Variants in ZC3H7B observed in about 807,000 individuals in gnomAD.
ZC3H7B encodes the protein zinc finger CCCH-type containing 7B, also known as zinc finger CCCH domain-containing protein 7B.
Under a neutral mutation model 116.0 loss-of-function variants are expected in ZC3H7B, and 35 were observed. The observed-to-expected ratio is 0.30, with a 90% confidence interval of 0.23 to 0.40. ZC3H7B has a LOEUF of 0.40. ZC3H7B is among the 10% of genes least tolerant of loss of function. The probability of loss-of-function intolerance (pLI) is 1.00; values close to 1 mark genes in which losing one functional copy is unlikely to be tolerated. For synonymous variants in ZC3H7B, 502 were observed against 545.6 expected, an observed-to-expected ratio of 0.92 and a Z score of 1.11; for missense variants, 1,011 against 1,321.5, an observed-to-expected ratio of 0.77 and a Z score of 3.64.
chr22:41,310,931 A>AT (rs1255689256), intron 1 of ZC3H7B, among the ~76,000 whole-genome samples: 2 of 151,608 alleles, frequency 1.3e-5, no homozygotes. Flanking sequence ...CCCCCGGCTA[A>AT]TTTTTTTGTG....
chr22:41,309,352 C>T (rs1169482755), intron 1 of ZC3H7B, among the ~76,000 whole-genome samples: 4 of 150,934 alleles, frequency 2.7e-5, no homozygotes, highest in African/African-American at 9.7e-5. Flanking sequence ...CTCGCTCTGT[C>T]GTCCAGGCTG....
intron 1 of ZC3H7B, among the ~76,000 whole-genome samples, chr22:41,319,294 AG>A (rs1320593967): frequency 6.6e-6 from 1 of 152,272 alleles, no homozygotes; most frequent in African/African-American, 2.4e-5. Context: ...CTAGCTACTC[AG>A]GAGGCTGAGG....
At chr22:41,313,702 T>TTA (rs1324203000) in intron 1 of ZC3H7B, among the ~76,000 whole-genome samples, 2 of 152,144 alleles carry the variant, frequency 1.3e-5, no homozygotes, top group African/African-American at 4.8e-5. Flanking sequence ...TCTTTTCACC[T>TTA]TAGTCTCATG....
chr22:41,327,469 C>T lies in ZC3H7B; in HGVS notation c.444+105C>T. On this transcript the variant is annotated intron_variant, in intron 5 of 22. Coordinates refer to ENST00000352645, the MANE Select transcript of ZC3H7B (RefSeq NM_017590.6). This position sits in a 1 kb window ranked among gnomAD's most constrained non-coding sequence, Gnocchi z 4.5. ...CACCACATCCTTCTGTGTCTCACTT[C>T]CTCCCCTGTGACATGGCCATGCAGA... 2.8e-6 allele frequency: 4 copies of T among 1,446,970 alleles called. No individual in the cohort carries two copies. In the South Asian group the frequency reaches 5.1e-5, roughly 18 times the overall value. 89.6% of individuals were successfully genotyped at this position (1,446,970 alleles called of 1,614,324 possible). A position where few individuals can be genotyped will look rare whatever the true frequency, so the allele number is the denominator to read the frequency against.
intron 6 of ZC3H7B, 89 bp from the exon 7 acceptor site, chr22:41,332,082 T>A: frequency 6.8e-7 from 1 of 1,460,824 alleles, no homozygotes; most frequent in Non-Finnish European, 9.5e-7. Context: ...GCTGCTTGTG[T>A]CAGGGCCTCT....
chr22:41,341,227 G>A (rs1301377173), intron 11 of ZC3H7B, 81 bp downstream of exon 11: 16 of 1,550,532 alleles, frequency 1.0e-5, no homozygotes, highest in Non-Finnish European at 1.4e-5. Flanking sequence ...TGAGCCCTCT[G>A]CATGGGGTAA....
Position 41,338,622 on chromosome 22 carries a change from C to T in ZC3H7B, c.625+267C>T, listed in dbSNP as rs1380975264. Among the ~76,000 whole-genome samples the T allele has an allele frequency of 6.6e-6, 1 of 152,182 alleles. No homozygotes were observed. Among genetic ancestry groups the T allele is most frequent in the Non-Finnish European group, 1.5e-5 (1 of 68,020 alleles). ...TGGCCTTCACTCCTGGCTGCCTGCA[C>T]ACCCCCACCTCTTCCAAAGCCCTTT... On this transcript the variant is annotated intron_variant, in intron 8 of 22. Transcript: ENST00000352645. The surrounding 1 kb of genome is among the most constrained non-coding windows in gnomAD (Gnocchi z 4.5).
chr22:41,312,292 C>A (rs1220459704), intron 1 of ZC3H7B, among the ~76,000 whole-genome samples: 1 of 151,846 alleles, frequency 6.6e-6, no homozygotes, highest in African/African-American at 2.4e-5. Flanking sequence ...CATGGTGATA[C>A]CCTGTCTCTA....
chr22:41,353,876 T>C (rs1313403757), intron 17 of ZC3H7B, among the ~76,000 whole-genome samples: 1 of 152,222 alleles, frequency 6.6e-6, no homozygotes, highest in African/African-American at 2.4e-5. Flanking sequence ...TCCCCATCTG[T>C]TTCTTTTTCC....
At chr22:41,341,196 G>A (rs2036518520) in intron 11 of ZC3H7B, 50 bp downstream of exon 11, 1 of 1,608,692 alleles carries the variant, frequency 6.2e-7, no homozygotes, top group African/African-American at 1.3e-5. Flanking sequence ...GCTGGGGGTT[G>A]TGGGTTCTAG....
chr22:41,318,242 C>G lies in ZC3H7B; in HGVS notation c.-6-2413C>G, dbSNP rs1342783986. Among the ~76,000 whole-genome samples the G allele has an allele frequency of 2.0e-5, 3 of 151,392 alleles. No homozygotes were observed. The East Asian group carries it at 5.9e-4, about 30-fold the overall frequency. On this transcript the variant is annotated intron_variant, in intron 1 of 22. Transcript: ENST00000352645. ...TTGAGACCAGGAGTTTAAGACCAGC[C>G]TGAGAGGCTGGGCGCGGTGGCTCAC... is the stretch of plus-strand genomic sequence containing the variant.
At chr22:41,328,525 G>C (rs1379736783) in intron 5 of ZC3H7B, among the ~76,000 whole-genome samples, 1 of 152,182 alleles carries the variant, frequency 6.6e-6, no homozygotes, top group East Asian at 1.9e-4. Flanking sequence ...GCCCTTTTGT[G>C]CCTGGACCCC....
In ZC3H7B at chr22:41,338,893, G is replaced by A; in HGVS notation, c.626-108G>A. 8.0e-7 allele frequency: 1 copy of A among 1,245,740 alleles called. No individual in the cohort carries two copies. The highest frequency in any genetic ancestry group is 1.6e-5 in the South Asian group (1 of 61,264). 77.2% of individuals were successfully genotyped at this position (1,245,740 alleles called of 1,614,324 possible). ...GGGGAAGGCAGGGCTCCTGGCAAGA[G>A]CTGAAAGAAGAAGGGAAAGTGTTGG... On this transcript the variant is annotated intron_variant, in intron 8 of 22. Coordinates refer to ENST00000352645, the MANE Select transcript of ZC3H7B (RefSeq NM_017590.6). This position sits in a 1 kb window ranked among gnomAD's most constrained non-coding sequence, Gnocchi z 4.5.
chr22:41,352,566 G>C lies in ZC3H7B; in HGVS notation c.2034+920G>C, dbSNP rs577618429. 3.3e-5 allele frequency among the ~76,000 whole-genome samples: 5 copies of C among 152,290 alleles called. No individual in the cohort carries two copies. The South Asian group carries it at 1.0e-3, about 32-fold the overall frequency. On this transcript the variant is annotated intron_variant, in intron 17 of 22. Coordinates refer to ENST00000352645, the MANE Select transcript of ZC3H7B (RefSeq NM_017590.6). ...TCACGAGGTCAGGAGTTCGAGACCAGCGTGTCCAACATAGTGAAACCCCAT... is the reference window on the plus strand; with the variant it reads ...TCACGAGGTCAGGAGTTCGAGACCACCGTGTCCAACATAGTGAAACCCCAT...
intron 11 of ZC3H7B, 83 bp downstream of exon 11, chr22:41,341,229 A>C (rs1401744009): frequency 6.5e-7 from 1 of 1,543,078 alleles, no homozygotes. Flanking sequence ...AGCCCTCTGC[A>C]TGGGGTAAGG....
At position 41,342,868 on chromosome 22, in the gene ZC3H7B, C is replaced by T. The variant is rs116421409; in HGVS notation, c.1297+240C>T. Among the ~76,000 whole-genome samples, 396 of 152,182 alleles carry T rather than the reference C, an allele frequency of 2.6e-3. 3 individuals carry two copies. Among genetic ancestry groups the T allele is most frequent in the African/African-American group, 9.0e-3 (372 of 41,518 alleles). On this transcript the variant is annotated intron_variant, in intron 12 of 22. Coordinates refer to ENST00000352645, the MANE Select transcript of ZC3H7B (RefSeq NM_017590.6). The stretch of plus-strand genomic sequence containing the variant: ...GGTCAGACTCACTAGAGAGTGAGGA[C>T]GGTGGTAGAAAAAGGATGGGTAGGC...
intron 1 of ZC3H7B, among the ~76,000 whole-genome samples, chr22:41,309,008 C>CTTTTTTTTTTTTTTTTTTTT (rs57147100): frequency 9.7e-6 from 1 of 103,304 alleles, no homozygotes; most frequent in African/African-American, 3.4e-5. Context: ...TCCCAGTCTG[C>CTTTTTTTTTTTTTTTTTTTT]TTTTTTTTTT....
chr22:41,310,161 C>T (rs146812990), intron 1 of ZC3H7B, among the ~76,000 whole-genome samples: 8 of 152,224 alleles, frequency 5.3e-5, no homozygotes, highest in African/African-American at 1.9e-4. Context: ...GCAGAGATGG[C>T]GCCACTGCAG....
rs1261822428 is a variant in ZC3H7B at position 41,341,239 on chromosome 22, G to A, written c.1197+93G>A. On this transcript the variant is annotated intron_variant, in intron 11 of 22. Coordinates refer to ENST00000352645, the MANE Select transcript of ZC3H7B (RefSeq NM_017590.6). ...GAATGAGCCCTCTGCATGGGGTAAG[G>A]CACTGCATTCCCCACGGCGGGGCAC... 3.5e-5 allele frequency: 51 copies of A among 1,474,254 alleles called. 1 individual carries two copies. The highest frequency in any genetic ancestry group is 1.4e-4 in the East Asian group (6 of 42,944). The allele number at this position is 1,474,254 out of a possible 1,614,324, so 91.3% of individuals were successfully genotyped here. A position where few individuals can be genotyped will look rare whatever the true frequency, so the allele number is the denominator to read the frequency against.
Sources: gnomAD v4.1 joint callset for allele counts (sites outside exome capture counted in the v4.1 genomes callset) on GRCh38, gnomAD v4.1.1 for gene constraint, Gnocchi (gnomAD v3.1) non-coding constraint, MANE v1.5 for transcripts, NCBI Gene and HGNC (gene_info 2026-07-23, HGNC 2026-07-21) for gene names.